The following PDE7B variants were observed in gnomAD, a reference collection of about 807,000 sequenced individuals.
PDE7B encodes phosphodiesterase 7B.
PDE7B carries 29 observed loss-of-function variants against 56.2 expected under a neutral mutation model. The observed-to-expected ratio is 0.52, with a 90% CI of 0.38 to 0.70. PDE7B has a LOEUF of 0.70. Ranked by LOEUF, PDE7B falls within the 30% of genes least tolerant of loss-of-function variation. The pLI is 0.00. For synonymous variants in PDE7B, 197 were observed against 196.9 expected (o/e 1.00, Z 0.00); for missense variants, 490 against 565.0 (o/e 0.87, Z 1.35).
chr6:136,161,838 C>T (rs1241443568), intron 8 of PDE7B, among the ~76,000 whole-genome samples: 1 of 152,122 alleles, frequency 6.6e-6, no homozygotes, highest in Non-Finnish European at 1.5e-5. Context: ...TGGCACTGTG[C>T]CCCATACCAT....
chr6:135,885,027 G>A (rs564628519), intron 1 of PDE7B, among the ~76,000 whole-genome samples: 6 of 152,038 alleles, frequency 3.9e-5, no homozygotes, highest in South Asian at 2.1e-4. Context: ...TTTCCATGCC[G>A]TCACTTAACT....
At chr6:135,992,839 T>C (rs891548659) in intron 2 of PDE7B, among the ~76,000 whole-genome samples, 3 of 152,218 alleles carry the variant, frequency 2.0e-5, no homozygotes, top group African/African-American at 7.2e-5. Context: ...GTAATTTCTA[T>C]GAAGTATGAA....
intron 2 of PDE7B, among the ~76,000 whole-genome samples, chr6:135,995,104 A>AT (rs991690382): frequency 6.6e-6 from 1 of 152,146 alleles, no homozygotes; most frequent in Non-Finnish European, 1.5e-5. Context: ...AAGTCCCTTC[A>AT]TGCTGCCCTG....
chr6:135,979,449 A>C (rs1012552874), intron 2 of PDE7B, among the ~76,000 whole-genome samples: 3 of 151,714 alleles, frequency 2.0e-5, no homozygotes, highest in Non-Finnish European at 4.4e-5. Context: ...TTCAGAAGGA[A>C]TGGTACCAGT....
chr6:136,135,492 A>C (rs1159846578), intron 3 of PDE7B, among the ~76,000 whole-genome samples: 1 of 151,984 alleles, frequency 6.6e-6, no homozygotes, highest in African/African-American at 2.4e-5. Flanking sequence ...TTGTCTTAAA[A>C]ATATGTCCAC....
intron 1 of PDE7B, among the ~76,000 whole-genome samples, chr6:135,873,504 A>G (rs1040564387): frequency 6.6e-6 from 1 of 152,164 alleles, no homozygotes; most frequent in Non-Finnish European, 1.5e-5. Flanking sequence ...TCTTTAATAT[A>G]GTATGATGTA....
chr6:136,041,909 A>C (rs899468741), intron 2 of PDE7B, among the ~76,000 whole-genome samples: 1 of 152,148 alleles, frequency 6.6e-6, no homozygotes, highest in African/African-American at 2.4e-5. Context: ...CGATTGCCCA[A>C]CTCTGGTCCA....
intron 8 of PDE7B, among the ~76,000 whole-genome samples, chr6:136,169,778 C>T (rs944120585): frequency 6.6e-6 from 1 of 152,196 alleles, no homozygotes; most frequent in African/African-American, 2.4e-5. Flanking sequence ...ATTAGTCTAG[C>T]ATGTGATTTT....
intron 3 of PDE7B, among the ~76,000 whole-genome samples, chr6:136,142,601 T>A (rs1299624768): frequency 2.6e-5 from 4 of 152,180 alleles, no homozygotes; most frequent in African/African-American, 7.2e-5. Flanking sequence ...TCTTTGTAGG[T>A]CACTAAGGAC....
intron 2 of PDE7B, among the ~76,000 whole-genome samples, chr6:136,018,019 TG>T (rs1562470783): frequency 6.6e-6 from 1 of 152,180 alleles, no homozygotes; most frequent in Non-Finnish European, 1.5e-5. Flanking sequence ...GGGACTATGA[TG>T]GTAGTGGATA....
intron 8 of PDE7B, among the ~76,000 whole-genome samples, chr6:136,158,982 T>C (rs1435483461): frequency 5.3e-5 from 8 of 152,196 alleles, no homozygotes; most frequent in South Asian, 2.1e-4. Flanking sequence ...CTCCTTTCAA[T>C]AGAGTCCAAC....
chr6:136,038,210 A>G (rs1776358963), intron 2 of PDE7B: 2 of 1,299,986 alleles, frequency 1.5e-6, no homozygotes, highest in Non-Finnish European at 1.0e-6. Context: ...CAGCAGAAGC[A>G]GAAACAGCAG....
intron 2 of PDE7B, among the ~76,000 whole-genome samples, chr6:136,001,132 T>A (rs901927593): frequency 6.6e-6 from 1 of 152,222 alleles, no homozygotes; most frequent in Non-Finnish European, 1.5e-5. Context: ...GACCTGCAGC[T>A]GAGGGTCCTG....
At chr6:135,858,027 A>G (rs1260996915) in intron 1 of PDE7B, among the ~76,000 whole-genome samples, 1 of 152,206 alleles carries the variant, frequency 6.6e-6, no homozygotes, top group African/African-American at 2.4e-5. Context: ...TTATATTTAT[A>G]AAGGGAAAAA....
At chr6:135,992,436 A>G (rs1775494490) in intron 2 of PDE7B, among the ~76,000 whole-genome samples, 1 of 152,182 alleles carries the variant, frequency 6.6e-6, no homozygotes, top group Non-Finnish European at 1.5e-5. Flanking sequence ...TCAAATATAT[A>G]TCATTAATTT....
At chr6:135,920,327 T>C (rs1774049210) in intron 1 of PDE7B, among the ~76,000 whole-genome samples, 1 of 152,218 alleles carries the variant, frequency 6.6e-6, no homozygotes, top group African/African-American at 2.4e-5. Flanking sequence ...TAGGTTGGCA[T>C]ATAGCATGTC....
chr6:135,897,689 G>A (rs1409508326), intron 1 of PDE7B, among the ~76,000 whole-genome samples: 1 of 152,194 alleles, frequency 6.6e-6, no homozygotes, highest in Non-Finnish European at 1.5e-5. Flanking sequence ...CATTTGAAAT[G>A]AACCACTTAC....
At chr6:135,903,791 A>T (rs1426047756) in intron 1 of PDE7B, among the ~76,000 whole-genome samples, 1 of 152,214 alleles carries the variant, frequency 6.6e-6, no homozygotes, top group South Asian at 2.1e-4. Context: ...TTAATAGAAA[A>T]CTTTTGCATG....
intron 2 of PDE7B, among the ~76,000 whole-genome samples, chr6:135,985,074 C>G (rs986012628): frequency 6.6e-6 from 1 of 152,182 alleles, no homozygotes; most frequent in Admixed American, 6.5e-5. Context: ...TTCACTTGCT[C>G]TTTTGCAACT....
Sources: gnomAD v4.1 joint callset for allele counts (sites outside exome capture counted in the v4.1 genomes callset) on GRCh38, gnomAD v4.1.1 for gene constraint, MANE v1.5 for transcripts, NCBI Gene and HGNC (gene_info 2026-07-23, HGNC 2026-07-21) for gene names.